Variants in SLC25A16 observed in about 807,000 individuals in gnomAD.
SLC25A16 encodes mitochondrial coenzyme A transporter SLC25A16.
Under a neutral mutation model 41.5 loss-of-function variants are expected in SLC25A16, and 39 were observed. That is an observed-to-expected ratio of 0.94 (90% CI 0.73 to 1.23). The LOEUF is 1.23. Ranked by LOEUF, SLC25A16 falls within the 50% of genes most tolerant of loss-of-function variation. SLC25A16 has a pLI of 0.00. For missense variants in SLC25A16, 421 were observed against 426.9 expected (o/e 0.99, Z 0.12); for synonymous variants, 146 against 147.8 (o/e 0.99, Z 0.09).
chr10:68,506,731 G>GA lies in SLC25A16; in HGVS notation c.224-14dup. The GA allele has an allele frequency of 6.5e-7, 1 of 1,536,692 alleles. No homozygotes were observed. ...GCAGAAAATACTCCTATTTTTAGAG[G>GA]AAAAATGCTGTTAAAACAGAGAAAA... On this transcript the variant is annotated splice_polypyrimidine_tract_variant and intron_variant, in intron 2 of 8. Coordinates refer to ENST00000609923, the MANE Select transcript of SLC25A16 (RefSeq NM_152707.4).
chr10:68,522,535 G>C (rs933150912), intron 1 of SLC25A16, among the ~76,000 whole-genome samples: 1 of 152,232 alleles, frequency 6.6e-6, no homozygotes, highest in South Asian at 2.1e-4. Flanking sequence ...CAAAAATTAG[G>C]CCAGGCACGG....
At chr10:68,504,151 G>A (rs897789756) in intron 3 of SLC25A16, among the ~76,000 whole-genome samples, 4 of 149,894 alleles carry the variant, frequency 2.7e-5, no homozygotes, top group African/African-American at 9.8e-5. Context: ...CAAGTAGCTG[G>A]GACTACAGCC....
At chr10:68,499,746 C>A in intron 4 of SLC25A16, 2 of 389,056 alleles carry the variant, frequency 5.1e-6, no homozygotes, top group South Asian at 2.7e-5. Context: ...GCAAAGTAGT[C>A]CAGGCTTACA....
chr10:68,494,107 G>A (rs907230111), intron 4 of SLC25A16, among the ~76,000 whole-genome samples: 3 of 152,098 alleles, frequency 2.0e-5, no homozygotes, highest in African/African-American at 4.8e-5. Context: ...TCTACACCCA[G>A]CCCAACTCCA....
chr10:68,485,851 G>A (rs1055302611), intron 8 of SLC25A16, among the ~76,000 whole-genome samples: 1 of 147,400 alleles, frequency 6.8e-6, no homozygotes, highest in Non-Finnish European at 1.5e-5. Context: ...AGGCTGGAGT[G>A]CAGTGGTGCG....
chr10:68,489,009 C>T (rs1002056763), intron 6 of SLC25A16, among the ~76,000 whole-genome samples: 1 of 152,272 alleles, frequency 6.6e-6, no homozygotes, highest in South Asian at 2.1e-4. Flanking sequence ...GTGGCTCACA[C>T]CTGTAATCCC....
At chr10:68,506,066 A>G (rs1413927599) in intron 3 of SLC25A16, among the ~76,000 whole-genome samples, 1 of 151,952 alleles carries the variant, frequency 6.6e-6, no homozygotes, top group East Asian at 1.9e-4. Flanking sequence ...TAAATAAATA[A>G]CTCATAAATG....
chr10:68,493,572 TGAAAA>T lies in SLC25A16; in HGVS notation c.422-7_422-3del. 6.2e-7 allele frequency: 1 copy of T among 1,610,732 alleles called. No individual in the cohort carries two copies. Among genetic ancestry groups the T allele is most frequent in the Non-Finnish European group, 8.5e-7 (1 of 1,177,440 alleles). On this transcript the variant is annotated splice_polypyrimidine_tract_variant and splice_region_variant and intron_variant, in intron 4 of 8. Coordinates refer to ENST00000609923, the MANE Select transcript of SLC25A16 (RefSeq NM_152707.4). ...AAGTACAGATAACTGCTGTCATACC[TGAAAA>T]GAAAGTAGAAATTTAGAGGTACAAT... is the stretch of plus-strand genomic sequence containing the variant.
In SLC25A16 at chr10:68,493,429, G is replaced by C. The variant is rs764066865; in HGVS notation, c.543+20C>G. The C allele has an allele frequency of 4.4e-6, 7 of 1,599,972 alleles. No individual in the cohort carries two copies. The African/African-American group carries it at 6.7e-5, about 15-fold the overall frequency. ...GTATAAAAGGGCATGTTATAGATGA[G>C]GAAGGTAAATATGAAATACCTTTGC... is the stretch of plus-strand genomic sequence containing the variant. On this transcript the variant is annotated intron_variant, in intron 5 of 8. Coordinates refer to ENST00000609923, the MANE Select transcript of SLC25A16 (RefSeq NM_152707.4).
chr10:68,480,591 G>A lies in SLC25A16; in HGVS notation c.*2841C>T, dbSNP rs1358369383. On this transcript the variant is annotated 3_prime_UTR_variant, in exon 9 of 9. Transcript: ENST00000609923. ...GGCTCACTGCAAGCTCCGCCTCCCA[G>A]GTTCAAGTGATTCTCCTGTCTCAGC... The A allele has an allele frequency of 6.9e-6, 1 of 145,676 alleles. No individual in the cohort carries two copies. Among genetic ancestry groups the A allele is most frequent in the African/African-American group, 2.5e-5 (1 of 39,294 alleles). The allele number at this position is 145,676 out of a possible 1,614,324, so 9.0% of individuals were successfully genotyped here. A position where few individuals can be genotyped will look rare whatever the true frequency, so the allele number is the denominator to read the frequency against.
rs190761649 is a variant in SLC25A16 at position 68,479,111 on chromosome 10, G to A, written c.*4321C>T. 6.6e-6 allele frequency: 1 copy of A among 152,288 alleles called. No individual in the cohort carries two copies. Among genetic ancestry groups the A allele is most frequent in the Admixed American group, 6.5e-5 (1 of 15,284 alleles). 9.4% of individuals were successfully genotyped at this position (152,288 alleles called of 1,614,324 possible). A position where few individuals can be genotyped will look rare whatever the true frequency, so the allele number is the denominator to read the frequency against. ...GGCAAATCAGCAATAAGACATTTCT[G>A]CGAAGCAAACCAAATGACTTTATTC... On this transcript the variant is annotated 3_prime_UTR_variant, in exon 9 of 9. Transcript: ENST00000609923.
At chr10:68,513,528 G>T (rs2053105721) in intron 2 of SLC25A16, among the ~76,000 whole-genome samples, 1 of 151,960 alleles carries the variant, frequency 6.6e-6, no homozygotes, top group African/African-American at 2.4e-5. Context: ...CTTTTAAAAT[G>T]CAGTTGGAAA....
intron 7 of SLC25A16, among the ~76,000 whole-genome samples, chr10:68,487,696 A>T (rs373825329): frequency 6.6e-6 from 1 of 152,200 alleles, no homozygotes; most frequent in East Asian, 1.9e-4. Flanking sequence ...GACATTAACA[A>T]ATGTCCACTG....
chr10:68,507,579 T>A (rs2052980068), intron 2 of SLC25A16, among the ~76,000 whole-genome samples: 1 of 152,134 alleles, frequency 6.6e-6, no homozygotes. Flanking sequence ...TGAGTTGTAA[T>A]CTATATACAG....
At chr10:68,521,149 A>T (rs944395754) in intron 1 of SLC25A16, among the ~76,000 whole-genome samples, 3 of 151,940 alleles carry the variant, frequency 2.0e-5, no homozygotes, top group Non-Finnish European at 4.4e-5. Context: ...AAAAAGGAAC[A>T]CACAGACACA....
chr10:68,507,144 CT>C (rs2052971476), intron 2 of SLC25A16, among the ~76,000 whole-genome samples: 1 of 141,348 alleles, frequency 7.1e-6, no homozygotes, highest in Non-Finnish European at 1.5e-5. Flanking sequence ...GCGATCTGGG[CT>C]CACTGCAACC....
At chr10:68,520,232 C>T (rs2053228156) in intron 1 of SLC25A16, among the ~76,000 whole-genome samples, 2 of 151,372 alleles carry the variant, frequency 1.3e-5, no homozygotes, top group Admixed American at 6.6e-5. Context: ...ACTGGGATTA[C>T]AGGCATGAGC....
At chr10:68,490,394 G>A (rs889388104) in intron 6 of SLC25A16, among the ~76,000 whole-genome samples, 2 of 151,464 alleles carry the variant, frequency 1.3e-5, no homozygotes, top group Admixed American at 6.6e-5. Flanking sequence ...CCAGGCTGGA[G>A]TGCAATGGTG....
intron 1 of SLC25A16, 190 bp from the exon 2 acceptor site, chr10:68,517,033 T>G: frequency 8.4e-6 from 10 of 1,194,592 alleles, no homozygotes; most frequent in Non-Finnish European, 1.1e-5. Context: ...ATGATTACAC[T>G]GCTAAAACTT....
Sources: allele counts gnomAD v4.1 joint callset (sites outside exome capture counted in the v4.1 genomes callset), GRCh38; gene constraint gnomAD v4.1.1; transcripts MANE v1.5; gene names NCBI Gene and HGNC (gene_info 2026-07-23, HGNC 2026-07-21).